Variants in RHBDD1 observed in about 807,000 individuals in gnomAD.
RHBDD1 encodes the protein rhomboid domain containing 1.
Under a neutral mutation model 36.3 loss-of-function variants are expected in RHBDD1, and 38 were observed. That is an observed-to-expected ratio of 1.05 (90% CI 0.81 to 1.37). RHBDD1 has a LOEUF of 1.37. Ranked by LOEUF, RHBDD1 falls within the 40% of genes most tolerant of loss-of-function variation. RHBDD1 has a pLI of 0.00. For missense variants in RHBDD1, 393 were observed against 377.6 expected, an observed-to-expected ratio of 1.04 and a Z score of -0.34; for synonymous variants, 151 against 136.5, an observed-to-expected ratio of 1.11 and a Z score of -0.74.
intron 8 of RHBDD1, among the ~76,000 whole-genome samples, chr2:226,935,977 G>A (rs1950305775): frequency 6.6e-6 from 1 of 152,092 alleles, no homozygotes; most frequent in South Asian, 2.1e-4. Context: ...GCTTGGCATA[G>A]CAGAAACATT....
intron 8 of RHBDD1, among the ~76,000 whole-genome samples, chr2:226,954,806 G>A (rs959366201): frequency 3.3e-5 from 5 of 152,012 alleles, no homozygotes; most frequent in Middle Eastern, 3.2e-3. Context: ...CTAAGGAGAC[G>A]ATAATTAACA....
At chr2:226,840,938 A>T (rs1266748016) in intron 3 of RHBDD1, among the ~76,000 whole-genome samples, 1 of 151,832 alleles carries the variant, frequency 6.6e-6, no homozygotes, top group Non-Finnish European at 1.5e-5. Context: ...AAAAAATTTC[A>T]CTACGTTTTT....
At chr2:226,958,654 A>C (rs1270345014) in intron 8 of RHBDD1, among the ~76,000 whole-genome samples, 2 of 151,708 alleles carry the variant, frequency 1.3e-5, no homozygotes, top group East Asian at 1.9e-4. Flanking sequence ...GAAGTTTACT[A>C]TATGGTATTC....
At chr2:226,933,783 C>T (rs773979948) in intron 8 of RHBDD1, among the ~76,000 whole-genome samples, 3 of 152,100 alleles carry the variant, frequency 2.0e-5, no homozygotes, top group Non-Finnish European at 4.4e-5. Context: ...CCCTTTCCAG[C>T]TTTCTACATC....
chr2:226,873,906 A>G, intron 5 of RHBDD1, among the ~76,000 whole-genome samples: 1 of 152,202 alleles, frequency 6.6e-6, no homozygotes, highest in East Asian at 1.9e-4. Context: ...TGGGTGATTT[A>G]TAAACCAAAG....
chr2:226,863,615 G>A (rs1043648293), intron 3 of RHBDD1, among the ~76,000 whole-genome samples: 1 of 152,164 alleles, frequency 6.6e-6, no homozygotes, highest in Non-Finnish European at 1.5e-5. Context: ...CAGTGGCAAG[G>A]ACCTTCAGGG....
intron 8 of RHBDD1, among the ~76,000 whole-genome samples, chr2:226,938,951 T>C (rs770818932): frequency 9.9e-5 from 15 of 152,096 alleles, no homozygotes; most frequent in Non-Finnish European, 1.9e-4. Flanking sequence ...AGGCTTCATC[T>C]CTGGATGCAA....
chr2:226,917,427 G>C (rs1948989540), intron 8 of RHBDD1, among the ~76,000 whole-genome samples: 1 of 151,952 alleles, frequency 6.6e-6, no homozygotes, highest in African/African-American at 2.4e-5. Context: ...TTAAAAAAAA[G>C]ATTTTTACAC....
intron 5 of RHBDD1, among the ~76,000 whole-genome samples, chr2:226,878,686 A>G (rs912225433): frequency 7.9e-5 from 12 of 152,310 alleles, no homozygotes; most frequent in African/African-American, 1.7e-4. Flanking sequence ...GGCTGCTGAC[A>G]TTATGGAGCA....
intron 8 of RHBDD1, among the ~76,000 whole-genome samples, chr2:226,937,025 C>T (rs775562530): frequency 6.6e-6 from 1 of 151,982 alleles, no homozygotes; most frequent in Non-Finnish European, 1.5e-5. Context: ...TTACAGAAAA[C>T]GAAGTTGATT....
intron 5 of RHBDD1, among the ~76,000 whole-genome samples, chr2:226,868,651 T>G (rs1944533701): frequency 6.6e-6 from 1 of 152,190 alleles, no homozygotes. Context: ...TTTGTGTGAC[T>G]GTGCTGGGTG....
rs1959460066 is a variant in RHBDD1 at position 226,996,784 on chromosome 2, A to ATG, written c.*1272_*1273dup. ...TATTACTGTCTTGGAAGATGTGTTTATGTGTGTGTGTTACTTTTACAATCA... is the reference window on the plus strand; with the variant it reads ...TATTACTGTCTTGGAAGATGTGTTTATGTGTGTGTGTGTTACTTTTACAATCA... On this transcript the variant is annotated 3_prime_UTR_variant, in exon 9 of 9. Coordinates refer to ENST00000392062, the MANE Select transcript of RHBDD1 (RefSeq NM_001167608.3). 6.6e-6 allele frequency: 1 copy of ATG among 152,160 alleles called. No homozygotes were observed. Among genetic ancestry groups the ATG allele is most frequent in the Non-Finnish European group, 1.5e-5 (1 of 68,022 alleles). The allele number at this position is 152,160 out of a possible 1,614,324, so 9.4% of individuals were successfully genotyped here.
chr2:226,818,157 T>TC, the RHBDD1 span, among the ~76,000 whole-genome samples: 1 of 127,206 alleles, frequency 7.9e-6, no homozygotes, highest in Non-Finnish European at 1.6e-5. Context: ...ACAGTATTTT[T>TC]TTTTTTTTTT....
In RHBDD1 at chr2:226,839,504, G is replaced by T. The variant is rs1024205647; in HGVS notation, c.-214G>T. Reference sequence around the variant, plus strand: ...GGGCACAGGCTCTTGGTCCTTGGCAGCGATATTAGGAGGCGTGCCTAGGGA... The same window carrying T: ...GGGCACAGGCTCTTGGTCCTTGGCATCGATATTAGGAGGCGTGCCTAGGGA... On this transcript the variant is annotated 5_prime_UTR_variant, in exon 3 of 9. Transcript: ENST00000392062. The T allele has an allele frequency of 1.3e-5, 2 of 152,178 alleles. No individual in the cohort carries two copies. Among genetic ancestry groups the T allele is most frequent in the Admixed American group, 6.5e-5 (1 of 15,280 alleles). 9.4% of individuals were successfully genotyped at this position (152,178 alleles called of 1,614,324 possible). A position where few individuals can be genotyped will look rare whatever the true frequency, so the allele number is the denominator to read the frequency against.
At chr2:226,858,592 A>AAC (rs1943548059) in intron 3 of RHBDD1, among the ~76,000 whole-genome samples, 1 of 152,224 alleles carries the variant, frequency 6.6e-6, no homozygotes, top group South Asian at 2.1e-4. Context: ...TTAGTAAATG[A>AAC]TAATGATGAA....
rs116628673 is a variant in RHBDD1 at position 226,940,137 on chromosome 2, T to C, written c.856+25786T>C. The stretch of plus-strand genomic sequence containing the variant: ...GCTCAAGATGGATCAAAGACTTAAA[T>C]GTAAAACCAAAAACTGTAAAAACCC... On this transcript the variant is annotated intron_variant, in intron 8 of 8. Transcript: ENST00000392062. 2.6e-3 allele frequency among the ~76,000 whole-genome samples: 392 copies of C among 152,262 alleles called. 2 individuals are homozygous for C. Among genetic ancestry groups the C allele is most frequent in the African/African-American group, 8.8e-3 (364 of 41,558 alleles).
chr2:226,967,499 A>G (rs957098053), intron 8 of RHBDD1, among the ~76,000 whole-genome samples: 1 of 151,444 alleles, frequency 6.6e-6, no homozygotes, highest in African/African-American at 2.4e-5. Context: ...TCGTCATTTA[A>G]CATTAGGTAT....
At chr2:226,933,921 T>C (rs1002261413) in intron 8 of RHBDD1, among the ~76,000 whole-genome samples, 8 of 152,132 alleles carry the variant, frequency 5.3e-5, no homozygotes, top group African/African-American at 1.9e-4. Flanking sequence ...ATAGAAACTA[T>C]AGTTTCTTTT....
intron 5 of RHBDD1, among the ~76,000 whole-genome samples, chr2:226,900,036 G>T (rs184377371): frequency 1.3e-5 from 2 of 152,286 alleles, no homozygotes; most frequent in Admixed American, 1.3e-4. Flanking sequence ...TGTTTGTGAT[G>T]AATTATTCAC....
Sources: allele counts gnomAD v4.1 joint callset (sites outside exome capture counted in the v4.1 genomes callset), GRCh38; gene constraint gnomAD v4.1.1; transcripts MANE v1.5; gene names NCBI Gene and HGNC (gene_info 2026-07-23, HGNC 2026-07-21).